The following MOB3B variants were observed in gnomAD, a reference collection of about 807,000 sequenced individuals.
MOB3B encodes MOB kinase activator 3B.
MOB3B carries 7 observed loss-of-function variants against 18.7 expected under a neutral mutation model. The observed-to-expected ratio is 0.37, with a 90% confidence interval of 0.21 to 0.70. The LOEUF (loss-of-function observed/expected upper bound fraction) is 0.70, where lower values mean the gene tolerates loss of function less well. Among genes scored for constraint, MOB3B ranks in the 30% least tolerant of loss-of-function variants. The pLI, the probability that MOB3B is intolerant of heterozygous loss-of-function variation, is 0.52. For synonymous variants in MOB3B, 111 were observed against 99.9 expected (o/e 1.11, Z -0.66); for missense variants, 253 against 281.3 (o/e 0.90, Z 0.72).
At position 27,524,805 on chromosome 9, in the gene MOB3B, C is replaced by A. The variant is rs765138475; in HGVS notation, c.-199+4750G>T. The A allele has an allele frequency of 1.9e-6, 3 of 1,614,082 alleles. No individual in the cohort carries two copies. The Admixed American group carries it at 5.0e-5, about 27-fold the overall frequency. On this transcript the variant is annotated intron_variant, in intron 1 of 3. Transcript: ENST00000262244. ...ACCCTCAGAAGCCAGGGTCCCCCAG[C>A]TGAGCAGCCTGGAACTGAGGAGATA... is the stretch of plus-strand genomic sequence containing the variant.
intron 2 of MOB3B, among the ~76,000 whole-genome samples, chr9:27,420,467 C>CATATTCCATCTATATATTTCATAT (rs1563864366): frequency 6.8e-6 from 1 of 147,136 alleles, no homozygotes; most frequent in African/African-American, 2.5e-5. Flanking sequence ...ATTCCATCTA[C>CATATTCCATCTATATATTTCATAT]ATATTCCATC....
chr9:27,420,146 C>G (rs1019586745), intron 2 of MOB3B, among the ~76,000 whole-genome samples: 3 of 151,892 alleles, frequency 2.0e-5, no homozygotes, highest in Non-Finnish European at 4.4e-5. Flanking sequence ...ATAAAAAAAT[C>G]AAAAAAGAGT....
chr9:27,482,004 A>C (rs1355629773), intron 1 of MOB3B, among the ~76,000 whole-genome samples: 4 of 151,852 alleles, frequency 2.6e-5, no homozygotes, highest in Non-Finnish European at 5.9e-5. Flanking sequence ...CTATTGATCC[A>C]GTGGAGGGAA....
intron 1 of MOB3B, among the ~76,000 whole-genome samples, chr9:27,514,828 A>G (rs973106449): frequency 9.2e-5 from 14 of 152,228 alleles, no homozygotes; most frequent in Non-Finnish European, 1.5e-5. Context: ...GTTGGCAAGG[A>G]GACAGCAGCC....
chr9:27,455,208 G>A lies in MOB3B; in HGVS notation c.343C>T (p.Pro115Ser). Residue 115 changes from proline to serine, a missense_variant, in exon 2 of 4, where the codon CCC becomes TCC. Transcript: ENST00000262244. Reference protein sequence around the residue: ...KYKKPTALPAPQYMNLLMDWI... With the variant: ...KYKKPTALPASQYMNLLMDWI... ...TCCATAAGAAGGTTCATGTACTGGG[G>A]AGCTGGCAGCGCTGTTGGCTTCTTA... 2 of 1,614,126 alleles carry A rather than the reference G, an allele frequency of 1.2e-6. No homozygotes were observed. The highest frequency in any genetic ancestry group is 1.7e-6 in the Non-Finnish European group (2 of 1,180,022).
At chr9:27,453,830 C>T (rs1273517724) in intron 2 of MOB3B, among the ~76,000 whole-genome samples, 1 of 152,126 alleles carries the variant, frequency 6.6e-6, no homozygotes, top group East Asian at 1.9e-4. Context: ...CCAAAAGTAG[C>T]CTATGACAGT....
At chr9:27,339,132 G>C (rs191302129) in intron 3 of MOB3B, among the ~76,000 whole-genome samples, 9 of 152,190 alleles carry the variant, frequency 5.9e-5, no homozygotes, top group African/African-American at 2.2e-4. Context: ...TTGCCCTCAA[G>C]GCCTTTTCTG....
At chr9:27,462,700 C>T (rs190761804) in intron 1 of MOB3B, among the ~76,000 whole-genome samples, 3 of 152,304 alleles carry the variant, frequency 2.0e-5, no homozygotes, top group Admixed American at 2.0e-4. Context: ...GGTTCAAATT[C>T]AAGGAAGTTG....
chr9:27,517,197 A>G (rs1190714222), intron 1 of MOB3B, among the ~76,000 whole-genome samples: 1 of 152,174 alleles, frequency 6.6e-6, no homozygotes, highest in Non-Finnish European at 1.5e-5. Flanking sequence ...AAGACTGGGT[A>G]TCACTGCCTC....
chr9:27,503,769 C>G (rs892524239), intron 1 of MOB3B, among the ~76,000 whole-genome samples: 1 of 152,224 alleles, frequency 6.6e-6, no homozygotes, highest in Non-Finnish European at 1.5e-5. Flanking sequence ...CTGAGGGCCT[C>G]TCAAAGAAGC....
intron 2 of MOB3B, among the ~76,000 whole-genome samples, chr9:27,431,651 G>A (rs1461690631): frequency 1.3e-5 from 2 of 152,186 alleles, no homozygotes; most frequent in Non-Finnish European, 2.9e-5. Flanking sequence ...TCTTCTTTCA[G>A]GTCCCCTTCC....
chr9:27,399,326 G>A (rs895783420), intron 2 of MOB3B, among the ~76,000 whole-genome samples: 4 of 152,168 alleles, frequency 2.6e-5, no homozygotes, highest in African/African-American at 7.2e-5. Flanking sequence ...TAAAAGAGAT[G>A]GCATACCTGT....
chr9:27,497,869 A>G (rs1819923265), intron 1 of MOB3B, among the ~76,000 whole-genome samples: 1 of 152,248 alleles, frequency 6.6e-6, no homozygotes, highest in African/African-American at 2.4e-5. Flanking sequence ...AGTTTCTATT[A>G]GCTGATCCTT....
At chr9:27,508,077 T>C (rs1554654327) in intron 1 of MOB3B, among the ~76,000 whole-genome samples, 1 of 152,186 alleles carries the variant, frequency 6.6e-6, no homozygotes, top group Non-Finnish European at 1.5e-5. Flanking sequence ...AACCAGGAGT[T>C]CTGCAGCATT....
intron 2 of MOB3B, among the ~76,000 whole-genome samples, chr9:27,424,131 C>T (rs1563865287): frequency 6.6e-6 from 1 of 152,228 alleles, no homozygotes; most frequent in East Asian, 1.9e-4. Flanking sequence ...TTAATCATCA[C>T]TCACATAGAG....
At chr9:27,427,887 C>T (rs945850762) in intron 2 of MOB3B, among the ~76,000 whole-genome samples, 1 of 152,130 alleles carries the variant, frequency 6.6e-6, no homozygotes, top group African/African-American at 2.4e-5. Context: ...AGCAGTCCCT[C>T]CAACCAAGCC....
chr9:27,460,430 C>T lies in MOB3B; in HGVS notation c.-198-4682G>A, dbSNP rs537941728. Among the ~76,000 whole-genome samples, 24 of 152,312 alleles carry T rather than the reference C, an allele frequency of 1.6e-4. No homozygotes were observed. The East Asian group carries it at 1.9e-3, about 12-fold the overall frequency. On this transcript the variant is annotated intron_variant, in intron 1 of 3. Transcript: ENST00000262244. The stretch of plus-strand genomic sequence containing the variant: ...GAATGTTGACAAGGTAGCTAAGCAA[C>T]GCACTGGCAAGGAAAGTTCTAATTT...
chr9:27,488,857 C>T (rs945013785), intron 1 of MOB3B, among the ~76,000 whole-genome samples: 1 of 152,218 alleles, frequency 6.6e-6, no homozygotes, highest in Non-Finnish European at 1.5e-5. Flanking sequence ...CATTTCAAGG[C>T]TGCCTGTATT....
chr9:27,341,328 C>T (rs76672070), intron 3 of MOB3B, among the ~76,000 whole-genome samples: 4,014 of 152,272 alleles, frequency 0.026, 152 homozygotes, highest in African/African-American at 0.091. Flanking sequence ...ATTTACCTCC[C>T]CTGGGAAAAC....
Sources: gnomAD v4.1 joint callset for allele counts (sites outside exome capture counted in the v4.1 genomes callset) on GRCh38, gnomAD v4.1.1 for gene constraint, MANE v1.5 for transcripts, NCBI Gene and HGNC (gene_info 2026-07-23, HGNC 2026-07-21) for gene names.